Variants in COL26A1 observed in about 807,000 individuals in gnomAD.
COL26A1 encodes collagen alpha-1(XXVI) chain.
COL26A1 carries 41 observed loss-of-function variants against 59.3 expected under a neutral mutation model. That is an observed-to-expected ratio of 0.69 (90% CI 0.54 to 0.90). The LOEUF is 0.90. COL26A1 is among the 40% of genes least tolerant of loss of function. The pLI is 0.00. For missense variants in COL26A1, 612 were observed against 602.3 expected, an observed-to-expected ratio of 1.02 and a Z score of -0.17; for synonymous variants, 266 against 256.0, an observed-to-expected ratio of 1.04 and a Z score of -0.37.
At chr7:101,421,627 A>G (rs1792523135) in intron 2 of COL26A1, among the ~76,000 whole-genome samples, 1 of 150,846 alleles carries the variant, frequency 6.6e-6, no homozygotes, top group Non-Finnish European at 1.5e-5. Context: ...GTAAACCGAG[A>G]TTGCGCCACT....
intron 9 of COL26A1, among the ~76,000 whole-genome samples, chr7:101,550,077 C>T (rs930449110): frequency 5.9e-5 from 9 of 152,146 alleles, no homozygotes; most frequent in South Asian, 2.1e-4. Flanking sequence ...GCCTTATCTA[C>T]GGGTCCCAGG....
chr7:101,427,554 C>T (rs1792677597), intron 2 of COL26A1, among the ~76,000 whole-genome samples: 1 of 151,820 alleles, frequency 6.6e-6, no homozygotes, highest in Admixed American at 6.6e-5. Flanking sequence ...TCCAGCTACT[C>T]GGGAGGCTGA....
At chr7:101,397,398 ATCTT>A (rs1791881372) in intron 1 of COL26A1, among the ~76,000 whole-genome samples, 1 of 132,428 alleles carries the variant, frequency 7.6e-6, no homozygotes, top group African/African-American at 2.9e-5. Flanking sequence ...CTTTTTTTTT[ATCTT>A]TCTTTTTTCT....
At chr7:101,537,935 C>T (rs1212283077) in intron 4 of COL26A1, among the ~76,000 whole-genome samples, 1 of 152,044 alleles carries the variant, frequency 6.6e-6, no homozygotes, top group Non-Finnish European at 1.5e-5. Context: ...CCCACCCCCG[C>T]CAACTTATCA....
intron 1 of COL26A1, among the ~76,000 whole-genome samples, chr7:101,390,844 G>A (rs1562959463): frequency 1.3e-5 from 2 of 152,348 alleles, no homozygotes; most frequent in Non-Finnish European, 2.9e-5. Flanking sequence ...AGGCTGGGAA[G>A]CTCAGTGGGC....
intron 1 of COL26A1, among the ~76,000 whole-genome samples, chr7:101,410,974 C>T (rs1286929194): frequency 6.6e-6 from 1 of 152,190 alleles, no homozygotes; most frequent in Non-Finnish European, 1.5e-5. Flanking sequence ...GGCAACCTCA[C>T]TGGCACTGGC....
At chr7:101,536,814 G>A (rs147800394) in intron 4 of COL26A1, among the ~76,000 whole-genome samples, 39 of 152,336 alleles carry the variant, frequency 2.6e-4, no homozygotes, top group African/African-American at 7.0e-4. Flanking sequence ...CAGGCTCTTC[G>A]CTGACTTCTT....
chr7:101,460,331 G>A (rs1793580377), intron 3 of COL26A1, among the ~76,000 whole-genome samples: 1 of 152,156 alleles, frequency 6.6e-6, no homozygotes, highest in African/African-American at 2.4e-5. Context: ...AGAGATCTGG[G>A]TGATCCTCCT....
chr7:101,417,383 T>A (rs1233652461), intron 1 of COL26A1, among the ~76,000 whole-genome samples: 1 of 151,426 alleles, frequency 6.6e-6, no homozygotes, highest in Admixed American at 6.6e-5. Context: ...AGCTTTTTTT[T>A]TTTTTTCTTT....
chr7:101,518,729 G>A (rs1795082160), intron 3 of COL26A1, among the ~76,000 whole-genome samples: 1 of 152,214 alleles, frequency 6.6e-6, no homozygotes, highest in Non-Finnish European at 1.5e-5. Flanking sequence ...AACATGTACA[G>A]TGATGTTCCC....
At chr7:101,371,653 A>G (rs963583630) in intron 1 of COL26A1, among the ~76,000 whole-genome samples, 1 of 151,746 alleles carries the variant, frequency 6.6e-6, no homozygotes, top group African/African-American at 2.4e-5. Context: ...TTAGTTGGGC[A>G]TGGTGGTGCA....
rs1258589083 is a variant in COL26A1, at chr7:101,489,667, TCCTTCCTTCCTTCC to T, written c.385+41881_385+41894del. 1.1e-3 allele frequency among the ~76,000 whole-genome samples: 53 copies of T among 50,284 alleles called. 5 individuals carry two copies. Among genetic ancestry groups the T allele is most frequent in the African/African-American group, 8.0e-3 (39 of 4,854 alleles). The allele number at this position is 50,284 out of a possible 152,430, so 33.0% of individuals were successfully genotyped here. On this transcript the variant is annotated intron_variant, in intron 3 of 12. Coordinates refer to ENST00000313669, the MANE Select transcript of COL26A1 (RefSeq NM_001278563.3). The stretch of plus-strand genomic sequence containing the variant: ...TTTCTTTCTTTCTTTCTTTCTTCCT[TCCTTCCTTCCTTCC>T]TTTCTTTCTTTCTTTCTGTCTTTCT...
chr7:101,395,292 C>T (rs1178791237), intron 1 of COL26A1, among the ~76,000 whole-genome samples: 28 of 152,202 alleles, frequency 1.8e-4, no homozygotes, highest in Non-Finnish European at 4.4e-5. Context: ...GGAGAACCCA[C>T]CACAGACTGA....
At chr7:101,543,676 G>A (rs777032403) in intron 5 of COL26A1, among the ~76,000 whole-genome samples, 186 of 152,310 alleles carry the variant, frequency 1.2e-3, no homozygotes, top group Non-Finnish European at 2.0e-3. Context: ...GTGAGAGAGG[G>A]ACCTGGAGCT....
In COL26A1 at chr7:101,429,589, C is replaced by CTTTTTTTTTTTTTTT. The variant is rs58432413; in HGVS notation, c.281+9497_281+9511dup. ...ATTCTTTTTTTTCCTTTCTTTTTTA[C>CTTTTTTTTTTTTTTT]TTTTTTTTTTTTTTTTTTTTTGAGA... On this transcript the variant is annotated intron_variant, in intron 2 of 12. Coordinates refer to ENST00000313669, the MANE Select transcript of COL26A1 (RefSeq NM_001278563.3). Among the ~76,000 whole-genome samples the CTTTTTTTTTTTTTTT allele has an allele frequency of 2.4e-3, 192 of 78,666 alleles. 6 individuals are homozygous for CTTTTTTTTTTTTTTT. The highest frequency in any genetic ancestry group is 3.3e-3 in the Non-Finnish European group (138 of 42,296). The allele number at this position is 78,666 out of a possible 152,430, so 51.6% of individuals were successfully genotyped here.
At chr7:101,386,000 C>T (rs899104293) in intron 1 of COL26A1, among the ~76,000 whole-genome samples, 147 of 152,180 alleles carry the variant, frequency 9.7e-4, no homozygotes, top group African/African-American at 3.4e-3. Context: ...CGTGAGCCAC[C>T]GCGCCCGGCC....
At chr7:101,548,204 C>A (rs1795780780) in intron 8 of COL26A1, among the ~76,000 whole-genome samples, 2 of 152,180 alleles carry the variant, frequency 1.3e-5, no homozygotes, top group African/African-American at 4.8e-5. Context: ...CCTGTCCTCA[C>A]ATGCCCTCTC....
chr7:101,440,080 C>T lies in COL26A1; in HGVS notation c.282-7604C>T, dbSNP rs138697847. Among the ~76,000 whole-genome samples, 78 of 152,234 alleles carry T rather than the reference C, an allele frequency of 5.1e-4. 1 individual carries two copies. Among genetic ancestry groups the T allele is most frequent in the Middle Eastern group, 3.4e-3 (1 of 294 alleles). On this transcript the variant is annotated intron_variant, in intron 2 of 12. Transcript: ENST00000313669. ...CTGGATCTGCATTTTAGAAAGTTTG[C>T]CTAGGCCAGGGGCAGTGGCTCACGC... is the stretch of plus-strand genomic sequence containing the variant.
intron 1 of COL26A1, among the ~76,000 whole-genome samples, chr7:101,370,311 G>C (rs1791160269): frequency 6.6e-6 from 1 of 152,110 alleles, no homozygotes; most frequent in Non-Finnish European, 1.5e-5. Flanking sequence ...TCACCATTTG[G>C]CTAGATATTT....
Sources: gnomAD v4.1 joint callset for allele counts (sites outside exome capture counted in the v4.1 genomes callset) on GRCh38, gnomAD v4.1.1 for gene constraint, MANE v1.5 for transcripts, NCBI Gene and HGNC (gene_info 2026-07-23, HGNC 2026-07-21) for gene names.